The following SCFD2 variants were observed in gnomAD, a reference collection of about 807,000 sequenced individuals.
The protein encoded by SCFD2 is sec1 family domain containing 2.
SCFD2 carries 54 observed loss-of-function variants against 58.9 expected under a neutral mutation model. That is an observed-to-expected ratio of 0.92 (90% CI 0.74 to 1.15). The LOEUF (loss-of-function observed/expected upper bound fraction) is 1.15, where lower values mean the gene tolerates loss of function less well. Among genes scored for constraint, SCFD2 ranks in the 50% most tolerant of loss-of-function variants. SCFD2 has a pLI of 0.00. For missense variants in SCFD2, 805 were observed against 836.6 expected, an observed-to-expected ratio of 0.96 and a Z score of 0.47; for synonymous variants, 321 against 335.9, an observed-to-expected ratio of 0.96 and a Z score of 0.49.
intron 7 of SCFD2, among the ~76,000 whole-genome samples, chr4:52,892,047 C>T (rs555853698): frequency 2.0e-5 from 3 of 152,382 alleles, no homozygotes; most frequent in African/African-American, 7.2e-5. Context: ...ATTGCTACCA[C>T]TGGCCCAAGC....
intron 2 of SCFD2, 78 bp from the exon 3 acceptor site, chr4:53,313,841 T>C (rs1291849464): frequency 7.2e-7 from 1 of 1,396,642 alleles, no homozygotes; most frequent in African/African-American, 1.4e-5. Context: ...AAATACTTTT[T>C]AAAATATATT....
intron 3 of SCFD2, among the ~76,000 whole-genome samples, chr4:53,298,793 C>T (rs1175265924): frequency 6.6e-6 from 1 of 152,184 alleles, no homozygotes; most frequent in Non-Finnish European, 1.5e-5. Context: ...TCACCAATAT[C>T]CGCTGTTCTG....
At chr4:53,108,643 T>C (rs1293987916) in intron 5 of SCFD2, among the ~76,000 whole-genome samples, 1 of 152,114 alleles carries the variant, frequency 6.6e-6, no homozygotes, top group East Asian at 1.9e-4. Context: ...CCTGAACACA[T>C]ACACCCTCCC....
chr4:53,259,616 G>A (rs1730767388), intron 4 of SCFD2, among the ~76,000 whole-genome samples: 2 of 152,056 alleles, frequency 1.3e-5, no homozygotes, highest in African/African-American at 4.8e-5. Context: ...TGTTTTGGTG[G>A]CTATGGACTT....
At position 53,253,811 on chromosome 4, in the gene SCFD2, G is replaced by A. The variant is rs1730493251; in HGVS notation, c.1311+20015C>T. ...GCTAAATGACGAGTTAATGAGTGCAGCACACCAGCATGGCACATGTATACA... is the reference window on the plus strand; with the variant it reads ...GCTAAATGACGAGTTAATGAGTGCAACACACCAGCATGGCACATGTATACA... On this transcript the variant is annotated intron_variant, in intron 4 of 8. Coordinates refer to ENST00000401642, the MANE Select transcript of SCFD2 (RefSeq NM_152540.4). 2.0e-5 allele frequency among the ~76,000 whole-genome samples: 3 copies of A among 149,334 alleles called. No individual in the cohort carries two copies. In the South Asian group the frequency reaches 6.4e-4, roughly 32 times the overall value.
At chr4:52,901,176 G>T (rs545271075) in intron 7 of SCFD2, among the ~76,000 whole-genome samples, 1 of 152,280 alleles carries the variant, frequency 6.6e-6, no homozygotes, top group East Asian at 1.9e-4. Context: ...GCATTCCCTC[G>T]TGAGATGAAC....
intron 5 of SCFD2, among the ~76,000 whole-genome samples, chr4:53,056,241 T>C (rs1228329212): frequency 1.3e-5 from 2 of 152,078 alleles, no homozygotes; most frequent in Non-Finnish European, 2.9e-5. Flanking sequence ...CTTGTATTTT[T>C]ACAGCTAAGC....
intron 5 of SCFD2, among the ~76,000 whole-genome samples, chr4:53,137,109 T>C (rs1419264010): frequency 6.6e-6 from 1 of 152,240 alleles, no homozygotes; most frequent in African/African-American, 2.4e-5. Flanking sequence ...ATCCTTACTT[T>C]GTTTATGACA....
At chr4:53,236,861 T>G (rs973637967) in intron 4 of SCFD2, among the ~76,000 whole-genome samples, 6 of 151,124 alleles carry the variant, frequency 4.0e-5, no homozygotes, top group Non-Finnish European at 8.8e-5. Flanking sequence ...TATTTTTTAT[T>G]GATAATTCTT....
At chr4:52,974,681 T>C (rs1324049516) in intron 5 of SCFD2, among the ~76,000 whole-genome samples, 1 of 152,024 alleles carries the variant, frequency 6.6e-6, no homozygotes, top group African/African-American at 2.4e-5. Context: ...TTAAAGTTCA[T>C]ATGGAACCAA....
rs560004363 is a variant in SCFD2, at chr4:53,339,220, T to G, written c.1007+13378A>C. On this transcript the variant is annotated intron_variant, in intron 2 of 8. Coordinates refer to ENST00000401642, the MANE Select transcript of SCFD2 (RefSeq NM_152540.4). The stretch of plus-strand genomic sequence containing the variant: ...GAAATATTAAGATGACTAAATTACT[T>G]GTATGGGAGAGTAAAGGGAAGTTAT... Among the ~76,000 whole-genome samples the G allele has an allele frequency of 2.6e-5, 4 of 152,132 alleles. No homozygotes were observed. In the South Asian group the frequency reaches 8.3e-4, roughly 32 times the overall value.
chr4:52,920,604 G>A lies in SCFD2; in HGVS notation c.1707+121C>T, dbSNP rs1719710259. On this transcript the variant is annotated intron_variant, in intron 6 of 8. Transcript: ENST00000401642. Reference sequence around the variant, plus strand: ...AAAACTCTGAACTAAAAGAGAACTTGGAGATCATCTAGAACAAACCTTTGG... The same window carrying A: ...AAAACTCTGAACTAAAAGAGAACTTAGAGATCATCTAGAACAAACCTTTGG... 3 of 583,822 alleles carry A rather than the reference G, an allele frequency of 5.1e-6. No individual in the cohort carries two copies. In the Admixed American group the frequency reaches 1.0e-4, roughly 20 times the overall value. The allele number at this position is 583,822 out of a possible 1,614,324, so 36.2% of individuals were successfully genotyped here. A position where few individuals can be genotyped will look rare whatever the true frequency, so the allele number is the denominator to read the frequency against.
intron 5 of SCFD2, among the ~76,000 whole-genome samples, chr4:53,133,246 TG>T (rs1232609596): frequency 3.4e-5 from 5 of 145,000 alleles, no homozygotes; most frequent in African/African-American, 1.3e-4. Context: ...GAGAATGGCG[TG>T]AACCCGGGAG....
rs182449120 is a variant in SCFD2 at position 53,341,090 on chromosome 4, C to T, written c.1007+11508G>A. 5.1e-4 allele frequency among the ~76,000 whole-genome samples: 78 copies of T among 152,248 alleles called. No individual in the cohort carries two copies. In the East Asian group the frequency reaches 7.0e-3, roughly 14 times the overall value. On this transcript the variant is annotated intron_variant, in intron 2 of 8. Coordinates refer to ENST00000401642, the MANE Select transcript of SCFD2 (RefSeq NM_152540.4). ...AAGGAACACAGCTCCTCGTCAGCAA[C>T]GGAACAAAGCTGGACAGACAATGAC... is the stretch of plus-strand genomic sequence containing the variant.
chr4:53,348,807 C>T (rs1734134421), intron 2 of SCFD2, among the ~76,000 whole-genome samples: 1 of 151,958 alleles, frequency 6.6e-6, no homozygotes, highest in Non-Finnish European at 1.5e-5. Context: ...CTCCACCTCC[C>T]AGATTCAAGT....
intron 4 of SCFD2, among the ~76,000 whole-genome samples, chr4:53,157,479 G>T (rs1257901581): frequency 1.3e-5 from 2 of 152,092 alleles, no homozygotes; most frequent in African/African-American, 2.4e-5. Flanking sequence ...CATGAGGCTT[G>T]ATTTTTTTCA....
intron 5 of SCFD2, among the ~76,000 whole-genome samples, chr4:53,112,985 T>C (rs1330605013): frequency 6.6e-6 from 1 of 152,108 alleles, no homozygotes; most frequent in Admixed American, 6.6e-5. Context: ...TTAAGGTCTC[T>C]TACTGGCTTC....
At chr4:53,312,047 AG>A (rs1384002186) in intron 3 of SCFD2, among the ~76,000 whole-genome samples, 1 of 152,110 alleles carries the variant, frequency 6.6e-6, no homozygotes, top group Non-Finnish European at 1.5e-5. Flanking sequence ...AAAGGAGAGA[AG>A]GGGATGGGAG....
chr4:53,196,748 G>T (rs1207818921), intron 4 of SCFD2, among the ~76,000 whole-genome samples: 1 of 151,666 alleles, frequency 6.6e-6, no homozygotes, highest in Non-Finnish European at 1.5e-5. Flanking sequence ...CATAAAAAGG[G>T]GTGGGGGAAG....
Sources: gnomAD v4.1 joint callset for allele counts (sites outside exome capture counted in the v4.1 genomes callset) on GRCh38, gnomAD v4.1.1 for gene constraint, MANE v1.5 for transcripts, NCBI Gene and HGNC (gene_info 2026-07-23, HGNC 2026-07-21) for gene names.